SORCS3: variants seen among roughly 807,000 people sequenced by gnomAD.
SORCS3 encodes the protein sortilin related VPS10 domain containing receptor 3.
Under a neutral mutation model 146.3 loss-of-function variants are expected in SORCS3, and 57 were observed. That is an observed-to-expected ratio of 0.39 (90% confidence interval 0.31 to 0.49). SORCS3 has a LOEUF of 0.49. Ranked by LOEUF, SORCS3 falls within the 20% of genes least tolerant of loss-of-function variation. The pLI is 0.92. For synonymous variants in SORCS3, 653 were observed against 618.5 expected (o/e 1.06, Z -0.83); for missense variants, 1,341 against 1,575.5 (o/e 0.85, Z 2.52).
chr10:104,920,242 G>A (rs1463677446), intron 3 of SORCS3, among the ~76,000 whole-genome samples: 1 of 152,210 alleles, frequency 6.6e-6, no homozygotes, highest in Non-Finnish European at 1.5e-5. Context: ...TTCCTTGGAG[G>A]CTATGAATAC....
Position 104,977,400 on chromosome 10 carries a change from C to T in SORCS3, c.861C>T (p.Thr287=). The T allele has an allele frequency of 6.2e-7, 1 of 1,613,792 alleles. No homozygotes were observed. Among genetic ancestry groups the T allele is most frequent in the Non-Finnish European group, 8.5e-7 (1 of 1,179,820 alleles). Reference sequence around the variant, plus strand: ...TGATCAGCTCAGACGAAGGGGCGACCTATCAGAAGTATCGGCTCACCTTCT... The same window carrying T: ...TGATCAGCTCAGACGAAGGGGCGACTTATCAGAAGTATCGGCTCACCTTCT... ...SILISSDEGA[T]YQKYRLTFYI... Residue 287 remains threonine, a synonymous_variant, in exon 4 of 27, where the codon ACC becomes ACT. Transcript: ENST00000369701.
At chr10:104,699,694 A>G (rs2016257355) in intron 1 of SORCS3, among the ~76,000 whole-genome samples, 1 of 152,180 alleles carries the variant, frequency 6.6e-6, no homozygotes, top group South Asian at 2.1e-4. Flanking sequence ...AGGAGGAGAA[A>G]GGGGCTATGA....
intron 5 of SORCS3, among the ~76,000 whole-genome samples, chr10:105,047,046 A>T (rs78902113): frequency 0.023 from 3,470 of 152,092 alleles, 68 homozygotes; most frequent in Non-Finnish European, 0.037. Flanking sequence ...TTTAATATTT[A>T]AAAAAATATA....
chr10:105,025,837 A>AACACACACACACACACACAC (rs57597161), intron 4 of SORCS3, among the ~76,000 whole-genome samples: 4 of 135,418 alleles, frequency 3.0e-5, no homozygotes, highest in African/African-American at 8.4e-5. Context: ...TGTCTTCTCA[A>AACACACACACACACACACAC]ACACACACAC....
chr10:104,667,181 G>A (rs978776173), intron 1 of SORCS3, among the ~76,000 whole-genome samples: 2 of 152,214 alleles, frequency 1.3e-5, no homozygotes, highest in African/African-American at 4.8e-5. Flanking sequence ...TTTGGGACAA[G>A]GCTCTGAACC....
At chr10:104,740,052 C>G (rs1031640135) in intron 1 of SORCS3, among the ~76,000 whole-genome samples, 1 of 152,092 alleles carries the variant, frequency 6.6e-6, no homozygotes, top group Non-Finnish European at 1.5e-5. Context: ...GAAGAATTTT[C>G]TTTATTTTGT....
At chr10:104,790,516 T>C (rs1310889609) in intron 1 of SORCS3, among the ~76,000 whole-genome samples, 1 of 152,160 alleles carries the variant, frequency 6.6e-6, no homozygotes, top group Non-Finnish European at 1.5e-5. Context: ...GGCTCAAATA[T>C]CACCTTTTCC....
chr10:105,251,629 A>G (rs1367836100), intron 22 of SORCS3, among the ~76,000 whole-genome samples: 2 of 152,128 alleles, frequency 1.3e-5, no homozygotes, highest in African/African-American at 2.4e-5. Context: ...TTCACAAATT[A>G]TATATTTGGA....
At chr10:104,725,568 C>G (rs562288220) in intron 1 of SORCS3, among the ~76,000 whole-genome samples, 2 of 152,358 alleles carry the variant, frequency 1.3e-5, no homozygotes, top group African/African-American at 4.8e-5. Flanking sequence ...TGCCCTGCCC[C>G]TAGAGGTGGA....
At chr10:104,729,313 A>G (rs1420198846) in intron 1 of SORCS3, among the ~76,000 whole-genome samples, 1 of 152,226 alleles carries the variant, frequency 6.6e-6, no homozygotes, top group Non-Finnish European at 1.5e-5. Flanking sequence ...CAAGACTGAG[A>G]CCTTTGGGCT....
At chr10:105,141,144 C>G (rs935578385) in intron 8 of SORCS3, among the ~76,000 whole-genome samples, 1 of 152,084 alleles carries the variant, frequency 6.6e-6, no homozygotes, top group African/African-American at 2.4e-5. Flanking sequence ...CCATTCACTC[C>G]CCTGGACAGT....
intron 19 of SORCS3, among the ~76,000 whole-genome samples, chr10:105,219,859 A>G (rs1206312049): frequency 2.0e-5 from 3 of 152,142 alleles, no homozygotes; most frequent in Non-Finnish European, 4.4e-5. Context: ...CTGGCAAAAA[A>G]CACAACAGCA....
chr10:105,157,282 C>T lies in SORCS3; in HGVS notation c.1627C>T (p.Leu543=). ...DLRGSPVHCL[L]PFCSLHLHLQ... is the part of the protein sequence containing the mutation. The stretch of plus-strand genomic sequence containing the variant: ...GAGAGGAAGCCCAGTGCACTGCCTG[C>T]TGGTCAGTCACTCAGCCTCATGGGA... The change falls in exon 10 of 27, where the codon CTG becomes TTG. Residue 543 remains leucine (L), a splice_region_variant and synonymous_variant. Transcript: ENST00000369701. 1 of 1,613,856 alleles carries T rather than the reference C, an allele frequency of 6.2e-7. No individual in the cohort carries two copies. The highest frequency in any genetic ancestry group is 8.5e-7 in the Non-Finnish European group (1 of 1,179,832).
intron 1 of SORCS3, among the ~76,000 whole-genome samples, chr10:104,837,216 G>A (rs139004009): frequency 2.6e-5 from 4 of 152,150 alleles, no homozygotes; most frequent in Non-Finnish European, 5.9e-5. Flanking sequence ...GGAGGTCACA[G>A]TCTAACAGGG....
At chr10:105,148,160 A>C (rs757273878) in intron 9 of SORCS3, among the ~76,000 whole-genome samples, 2 of 152,038 alleles carry the variant, frequency 1.3e-5, no homozygotes, top group Non-Finnish European at 1.5e-5. Flanking sequence ...TGGACCCTGA[A>C]TGGAGGGAGT....
At chr10:105,131,805 A>G (rs1430507929) in intron 7 of SORCS3, among the ~76,000 whole-genome samples, 1 of 152,102 alleles carries the variant, frequency 6.6e-6, no homozygotes, top group Admixed American at 6.6e-5. Flanking sequence ...GGTGCTACAC[A>G]CTTTTAAACA....
chr10:104,893,093 G>A (rs1422425718), intron 2 of SORCS3, among the ~76,000 whole-genome samples: 1 of 152,100 alleles, frequency 6.6e-6, no homozygotes, highest in Non-Finnish European at 1.5e-5. Flanking sequence ...GTGCGTCATA[G>A]TTTCAGGTTT....
intron 1 of SORCS3, among the ~76,000 whole-genome samples, chr10:104,658,199 T>G (rs4532962): frequency 0.41 from 63,113 of 152,092 alleles, 14,689 homozygotes; most frequent in Middle Eastern, 0.65. Context: ...ACTGAATATA[T>G]GCTTCTTCCA....
At chr10:105,006,652 T>C (rs949297477) in intron 4 of SORCS3, among the ~76,000 whole-genome samples, 1 of 152,192 alleles carries the variant, frequency 6.6e-6, no homozygotes, top group African/African-American at 2.4e-5. Context: ...CTTATCTCTC[T>C]GTGCCCCAAC....
Sources: gnomAD v4.1 joint callset for allele counts (sites outside exome capture counted in the v4.1 genomes callset) on GRCh38, gnomAD v4.1.1 for gene constraint, MANE v1.5 for transcripts, NCBI Gene and HGNC (gene_info 2026-07-23, HGNC 2026-07-21) for gene names.